OLFM3: variants seen among roughly 807,000 people sequenced by gnomAD.
The protein encoded by OLFM3 is noelin-3.
In OLFM3, 20 loss-of-function variants were observed where a neutral mutation model predicts 48.6. The observed-to-expected ratio is 0.41, with a 90% CI of 0.29 to 0.60. The LOEUF (loss-of-function observed/expected upper bound fraction) is 0.60, where lower values mean the gene tolerates loss of function less well. OLFM3 is among the 20% of genes least tolerant of loss of function. The pLI is 0.28. For missense variants in OLFM3, 437 were observed against 544.3 expected (o/e 0.80, Z 1.96); for synonymous variants, 222 against 198.1 (o/e 1.12, Z -1.01).
chr1:101,996,531 C>T (rs1421081080), intron 1 of OLFM3, among the ~76,000 whole-genome samples: 1 of 152,126 alleles, frequency 6.6e-6, no homozygotes, highest in East Asian at 1.9e-4. Context: ...ATATTTTCTC[C>T]TAGTCCCTCC....
chr1:101,820,764 T>G (rs1001119270), intron 4 of OLFM3, among the ~76,000 whole-genome samples: 8 of 152,124 alleles, frequency 5.3e-5, no homozygotes, highest in Non-Finnish European at 1.2e-4. Context: ...ATCTTAAAAT[T>G]CATGTGATGT....
In OLFM3 at chr1:101,866,608, A is replaced by G. The variant is rs544943925; in HGVS notation, c.70-29583T>C. On this transcript the variant is annotated intron_variant, in intron 1 of 5. Coordinates refer to ENST00000370103, the MANE Select transcript of OLFM3 (RefSeq NM_058170.4). Reference sequence around the variant, plus strand: ...AGCTATGAAAGAACATAGAAAATTAAATAACATTTAATAGTACTTAATATA... The same window carrying G: ...AGCTATGAAAGAACATAGAAAATTAGATAACATTTAATAGTACTTAATATA... 4.6e-5 allele frequency among the ~76,000 whole-genome samples: 7 copies of G among 152,270 alleles called. No homozygotes were observed. The East Asian group carries it at 1.3e-3, about 29-fold the overall frequency.
chr1:101,936,403 A>G (rs1659619607), intron 1 of OLFM3, among the ~76,000 whole-genome samples: 1 of 125,250 alleles, frequency 8.0e-6, no homozygotes, highest in Non-Finnish European at 1.8e-5. Flanking sequence ...ACTACAGCTA[A>G]CCAGGGAAAT....
chr1:101,847,539 T>C (rs2100943789), intron 1 of OLFM3, among the ~76,000 whole-genome samples: 1 of 150,684 alleles, frequency 6.6e-6, no homozygotes, highest in African/African-American at 2.4e-5. Context: ...ATTTTTTTTT[T>C]TAGAAAGTAA....
At chr1:101,935,507 G>A (rs867766376) in intron 1 of OLFM3, among the ~76,000 whole-genome samples, 1 of 151,802 alleles carries the variant, frequency 6.6e-6, no homozygotes, top group East Asian at 1.9e-4. Context: ...AGAAAAACAC[G>A]AGAATCAGAT....
chr1:101,817,530 A>C (rs995193418), intron 4 of OLFM3, among the ~76,000 whole-genome samples: 5 of 152,086 alleles, frequency 3.3e-5, no homozygotes, highest in Admixed American at 2.6e-4. Context: ...TCAGGAAAAG[A>C]TATCATTTGG....
At chr1:101,823,592 G>T (rs1038767519) in intron 4 of OLFM3, among the ~76,000 whole-genome samples, 1 of 151,962 alleles carries the variant, frequency 6.6e-6, no homozygotes, top group African/African-American at 2.4e-5. Context: ...ATAAGCCATG[G>T]ACTGTATCCT....
intron 4 of OLFM3, 59 bp downstream of exon 4, chr1:101,824,967 C>T: frequency 3.5e-6 from 5 of 1,443,862 alleles, no homozygotes; most frequent in Non-Finnish European, 4.8e-6. Context: ...CGTAAGAGCA[C>T]AATTTTCTTT....
At chr1:101,952,989 A>C (rs1160790684) in intron 1 of OLFM3, among the ~76,000 whole-genome samples, 2 of 152,146 alleles carry the variant, frequency 1.3e-5, no homozygotes, top group East Asian at 1.9e-4. Flanking sequence ...TGTAAGTTTT[A>C]TTCTACCTTT....
intron 1 of OLFM3, among the ~76,000 whole-genome samples, chr1:101,883,116 C>T (rs1384138529): frequency 6.6e-6 from 1 of 151,584 alleles, no homozygotes; most frequent in African/African-American, 2.4e-5. Context: ...TTCTATCAGC[C>T]AATCTTACTC....
chr1:101,850,296 C>T (rs1329136410), intron 1 of OLFM3, among the ~76,000 whole-genome samples: 1 of 152,014 alleles, frequency 6.6e-6, no homozygotes, highest in Non-Finnish European at 1.5e-5. Context: ...TCATGGAATG[C>T]TGAAAGCTAT....
At chr1:101,905,071 G>A (rs771986328) in intron 1 of OLFM3, among the ~76,000 whole-genome samples, 6 of 152,086 alleles carry the variant, frequency 3.9e-5, no homozygotes, top group Non-Finnish European at 8.8e-5. Flanking sequence ...GGCAACAAAG[G>A]ATTTGATAGA....
intron 4 of OLFM3, among the ~76,000 whole-genome samples, chr1:101,822,551 G>A (rs1423419776): frequency 6.6e-6 from 1 of 152,098 alleles, no homozygotes; most frequent in African/African-American, 2.4e-5. Flanking sequence ...GCAAGTCAAA[G>A]CCCTACACAG....
chr1:101,868,728 G>A (rs185921115), intron 1 of OLFM3, among the ~76,000 whole-genome samples: 18 of 152,286 alleles, frequency 1.2e-4, no homozygotes, highest in Non-Finnish European at 2.5e-4. Context: ...TCACAAGCCT[G>A]GAGGCCTAAG....
intron 1 of OLFM3, among the ~76,000 whole-genome samples, chr1:101,912,870 G>C (rs1168535098): frequency 6.6e-6 from 1 of 152,166 alleles, no homozygotes; most frequent in Non-Finnish European, 1.5e-5. Flanking sequence ...GAGAGCAATA[G>C]CTTTGAAAGA....
At chr1:101,826,093 C>T (rs1387705380) in intron 3 of OLFM3, among the ~76,000 whole-genome samples, 2 of 151,204 alleles carry the variant, frequency 1.3e-5, no homozygotes, top group Admixed American at 1.3e-4. Flanking sequence ...GCCAGTTACA[C>T]AGAGTTGTTT....
At chr1:101,883,077 C>T (rs570694581) in intron 1 of OLFM3, among the ~76,000 whole-genome samples, 3 of 151,676 alleles carry the variant, frequency 2.0e-5, no homozygotes, top group Admixed American at 1.3e-4. Flanking sequence ...AAGACGTGAC[C>T]AGTGAAGATC....
At chr1:101,852,969 C>T (rs1353465933) in intron 1 of OLFM3, among the ~76,000 whole-genome samples, 1 of 152,066 alleles carries the variant, frequency 6.6e-6, no homozygotes, top group Admixed American at 6.6e-5. Flanking sequence ...TGGATTGTTA[C>T]AAAAGTCACG....
At chr1:101,917,631 G>A (rs775462656) in intron 1 of OLFM3, among the ~76,000 whole-genome samples, 9 of 152,014 alleles carry the variant, frequency 5.9e-5, no homozygotes, top group Non-Finnish European at 1.2e-4. Context: ...TGGCCAGGCT[G>A]GTTTCAAACT....
Sources: allele counts gnomAD v4.1 joint callset (sites outside exome capture counted in the v4.1 genomes callset), GRCh38; gene constraint gnomAD v4.1.1; transcripts MANE v1.5; gene names NCBI Gene and HGNC (gene_info 2026-07-23, HGNC 2026-07-21).